Variants in KLHL29 observed in about 807,000 individuals in gnomAD.
The protein encoded by KLHL29 is kelch like family member 29, also known as kelch-like protein 29.
A neutral mutation model predicts 80.4 loss-of-function variants in KLHL29; 21 were observed. The ratio of observed to expected loss-of-function variants is 0.26; its 90% CI spans 0.19 to 0.38. KLHL29 has a LOEUF of 0.38. KLHL29 is among the 10% of genes least tolerant of loss of function. KLHL29 has a pLI of 1.00. For missense variants in KLHL29, 867 were observed against 1,223.9 expected, an observed-to-expected ratio of 0.71 and a Z score of 4.35; for synonymous variants, 511 against 526.8, an observed-to-expected ratio of 0.97 and a Z score of 0.41.
At chr2:23,563,825 A>G (rs992213989) in intron 3 of KLHL29, among the ~76,000 whole-genome samples, 1 of 152,158 alleles carries the variant, frequency 6.6e-6, no homozygotes, top group Non-Finnish European at 1.5e-5. Flanking sequence ...TCCTGTTATG[A>G]AAACACCACC....
At chr2:23,459,410 T>G (rs1365577980) in intron 1 of KLHL29, among the ~76,000 whole-genome samples, 1 of 151,942 alleles carries the variant, frequency 6.6e-6, no homozygotes, top group Non-Finnish European at 1.5e-5. Context: ...TGAGCATGGA[T>G]TAGATCATCC....
At position 23,457,115 on chromosome 2, in the gene KLHL29, G is replaced by A. The variant is rs1019317810; in HGVS notation, c.-153-18445G>A. Reference sequence around the variant, plus strand: ...GTGCCAGGCCCTGTGCCTTCCCGACGCCGGGGACTGGAGCTAGAGGCATCT... The same window carrying A: ...GTGCCAGGCCCTGTGCCTTCCCGACACCGGGGACTGGAGCTAGAGGCATCT... On this transcript the variant is annotated intron_variant, in intron 1 of 13. Coordinates refer to ENST00000486442, the MANE Select transcript of KLHL29 (RefSeq NM_052920.2). This position sits in a 1 kb window ranked among gnomAD's most constrained non-coding sequence, Gnocchi z 4.3. Among the ~76,000 whole-genome samples, 8 of 152,228 alleles carry A rather than the reference G, an allele frequency of 5.3e-5. No individual in the cohort carries two copies. Among genetic ancestry groups the A allele is most frequent in the African/African-American group, 9.6e-5 (4 of 41,460 alleles).
chr2:23,599,851 G>C (rs1470462243), intron 3 of KLHL29, among the ~76,000 whole-genome samples: 1 of 152,238 alleles, frequency 6.6e-6, no homozygotes, highest in African/African-American at 2.4e-5. Flanking sequence ...CCGTGCCTCT[G>C]TCCGCATGCT....
Position 23,462,606 on chromosome 2 carries a change from C to T in KLHL29, c.-153-12954C>T, listed in dbSNP as rs567320019. The stretch of plus-strand genomic sequence containing the variant: ...ACTGAAGACCTTCTAGTGTCCCTAG[C>T]GGCTTTGACTGGTGGATTAAATCAG... On this transcript the variant is annotated intron_variant, in intron 1 of 13. Transcript: ENST00000486442. Among the ~76,000 whole-genome samples, 8 of 152,296 alleles carry T rather than the reference C, an allele frequency of 5.3e-5. No individual in the cohort carries two copies. In the East Asian group the frequency reaches 1.2e-3, roughly 22 times the overall value.
intron 1 of KLHL29, among the ~76,000 whole-genome samples, chr2:23,442,577 G>C (rs1280435322): frequency 2.0e-5 from 3 of 152,214 alleles, no homozygotes; most frequent in African/African-American, 7.2e-5. Flanking sequence ...CTTCCCCGGA[G>C]CCTCCAGAAG....
At chr2:23,659,366 G>A (rs1278454824) in intron 5 of KLHL29, among the ~76,000 whole-genome samples, 1 of 152,176 alleles carries the variant, frequency 6.6e-6, no homozygotes, top group African/African-American at 2.4e-5. Flanking sequence ...GTTTACAGAG[G>A]AGGAAACTTC....
intron 5 of KLHL29, among the ~76,000 whole-genome samples, chr2:23,653,023 C>T (rs192592014): frequency 6.6e-6 from 1 of 152,154 alleles, no homozygotes; most frequent in Non-Finnish European, 1.5e-5. Flanking sequence ...ACCTACCCTA[C>T]CCCCATGCCC....
At chr2:23,472,503 G>A (rs534595063) in intron 1 of KLHL29, among the ~76,000 whole-genome samples, 37 of 152,300 alleles carry the variant, frequency 2.4e-4, no homozygotes, top group African/African-American at 7.7e-4. Context: ...GCATGGCGGC[G>A]TGTGCCTGTA....
intron 1 of KLHL29, among the ~76,000 whole-genome samples, chr2:23,401,470 C>T (rs1353751907): frequency 6.6e-6 from 1 of 152,234 alleles, no homozygotes; most frequent in African/African-American, 2.4e-5. Context: ...CTGAATTCAT[C>T]TCTGAATGAG....
intron 1 of KLHL29, among the ~76,000 whole-genome samples, chr2:23,446,332 A>G (rs920744382): frequency 2.0e-5 from 3 of 151,668 alleles, no homozygotes; most frequent in Admixed American, 2.0e-4. Flanking sequence ...CATGGGGTCT[A>G]TTTGCCAACT....
chr2:23,404,506 G>A (rs970026546), intron 1 of KLHL29, among the ~76,000 whole-genome samples: 1 of 152,176 alleles, frequency 6.6e-6, no homozygotes, highest in Non-Finnish European at 1.5e-5. Context: ...GGAATTCTCT[G>A]GAATAACCAC....
chr2:23,631,484 T>C (rs1371269453), intron 3 of KLHL29, among the ~76,000 whole-genome samples: 1 of 151,984 alleles, frequency 6.6e-6, no homozygotes, highest in African/African-American at 2.4e-5. Flanking sequence ...CATCATTGGT[T>C]AGTATTATTA....
intron 1 of KLHL29, among the ~76,000 whole-genome samples, chr2:23,432,101 A>G (rs984566914): frequency 1.3e-5 from 2 of 152,138 alleles, no homozygotes; most frequent in African/African-American, 2.4e-5. Context: ...TCGGGTTTTG[A>G]TGCACATATA....
At chr2:23,638,168 C>T (rs1245621171) in intron 3 of KLHL29, among the ~76,000 whole-genome samples, 3 of 149,834 alleles carry the variant, frequency 2.0e-5, no homozygotes, top group Non-Finnish European at 4.4e-5. Flanking sequence ...AGAATAACAT[C>T]CCTGTTAACA....
intron 2 of KLHL29, among the ~76,000 whole-genome samples, chr2:23,535,718 C>T (rs1254673789): frequency 1.3e-5 from 2 of 152,052 alleles, no homozygotes; most frequent in African/African-American, 4.8e-5. Flanking sequence ...TTCATAGAGA[C>T]GGAAAGTAGA....
intron 11 of KLHL29, among the ~76,000 whole-genome samples, chr2:23,698,303 T>C (rs1281531010): frequency 6.6e-6 from 1 of 152,192 alleles, no homozygotes; most frequent in Non-Finnish European, 1.5e-5. Context: ...AGGGGCAGGA[T>C]GCAGGCTTGA....
chr2:23,471,504 A>G (rs1664494839), intron 1 of KLHL29, among the ~76,000 whole-genome samples: 1 of 152,184 alleles, frequency 6.6e-6, no homozygotes, highest in Non-Finnish European at 1.5e-5. Context: ...TAGCCCATTC[A>G]AGGGTCTTGC....
At chr2:23,425,722 G>C (rs188090145) in intron 1 of KLHL29, among the ~76,000 whole-genome samples, 2 of 152,194 alleles carry the variant, frequency 1.3e-5, no homozygotes, top group African/African-American at 4.8e-5. Flanking sequence ...ATTAGACTGG[G>C]TGTACTGGGT....
intron 3 of KLHL29, among the ~76,000 whole-genome samples, chr2:23,565,107 T>C (rs1667557501): frequency 6.6e-6 from 1 of 152,200 alleles, no homozygotes; most frequent in Non-Finnish European, 1.5e-5. Context: ...AGACAGAACC[T>C]GGCATGTGGT....
Sources: allele counts gnomAD v4.1 joint callset (sites outside exome capture counted in the v4.1 genomes callset), GRCh38; gene constraint gnomAD v4.1.1; non-coding constraint Gnocchi (gnomAD v3.1); transcripts MANE v1.5; gene names NCBI Gene and HGNC (gene_info 2026-07-23, HGNC 2026-07-21).